Variants in AFF1 observed in about 807,000 individuals in gnomAD.
AFF1 encodes the protein AF4/FMR2 family member 1.
In AFF1, 48 loss-of-function variants were observed where a neutral mutation model predicts 121.7. The ratio of observed to expected loss-of-function variants is 0.39; its 90% CI spans 0.31 to 0.50. The LOEUF (loss-of-function observed/expected upper bound fraction) is 0.50. Ranked by LOEUF, AFF1 falls within the 20% of genes least tolerant of loss-of-function variation. The pLI is 0.76. For synonymous variants in AFF1, 613 were observed against 563.0 expected, an observed-to-expected ratio of 1.09 and a Z score of -1.26; for missense variants, 1,523 against 1,511.7, an observed-to-expected ratio of 1.01 and a Z score of -0.12.
chr4:87,097,289 C>A (rs550696416), intron 8 of AFF1, among the ~76,000 whole-genome samples: 2 of 152,286 alleles, frequency 1.3e-5, no homozygotes, highest in Admixed American at 1.3e-4. Flanking sequence ...CTGTGTCTCT[C>A]GCCTGTGGAT....
intron 2 of AFF1, among the ~76,000 whole-genome samples, chr4:86,976,189 T>A (rs527579593): frequency 1.3e-5 from 2 of 152,278 alleles, no homozygotes; most frequent in African/African-American, 4.8e-5. Context: ...GGGCTTTCCA[T>A]GCAGAAGCAC....
intron 2 of AFF1, chr4:86,950,204 G>GT: frequency 7.8e-7 from 1 of 1,278,836 alleles, no homozygotes; most frequent in Non-Finnish European, 1.1e-6. Flanking sequence ...TTAAGACAAA[G>GT]TTTCGCTATT....
rs1321624231 is a variant in AFF1, at chr4:87,137,983, C to G, written c.*2282C>G. ...GACATTTCCAGGTAGATTTCTCAGCCAGCTCTAAAACAGATTGCTTTTTCA... is the reference window on the plus strand; with the variant it reads ...GACATTTCCAGGTAGATTTCTCAGCGAGCTCTAAAACAGATTGCTTTTTCA... On this transcript the variant is annotated 3_prime_UTR_variant, in exon 21 of 21. Coordinates refer to ENST00000395146, the MANE Select transcript of AFF1 (RefSeq NM_001166693.3). 8.7e-6 allele frequency: 2 copies of G among 230,768 alleles called. No homozygotes were observed. Among genetic ancestry groups the G allele is most frequent in the African/African-American group, 4.5e-5 (2 of 44,940 alleles). 14.3% of individuals were successfully genotyped at this position (230,768 alleles called of 1,614,324 possible).
intron 2 of AFF1, among the ~76,000 whole-genome samples, chr4:87,042,571 C>A (rs1417775752): frequency 6.6e-6 from 1 of 152,146 alleles, no homozygotes; most frequent in Non-Finnish European, 1.5e-5. Flanking sequence ...TCTTTTTTCA[C>A]CTCACTACTT....
intron 2 of AFF1, among the ~76,000 whole-genome samples, chr4:86,985,178 TTACTATATATATATATATATATA>T (rs1724118921): frequency 1.1e-5 from 1 of 93,184 alleles, no homozygotes; most frequent in Non-Finnish European, 2.0e-5. Flanking sequence ...ATAATATGTA[TTACTATATATATATATATATATA>T]TATATATATA....
rs115241962 is a variant in AFF1, at chr4:87,124,919, C to G, written c.2467-118C>G. On this transcript the variant is annotated intron_variant, in intron 12 of 20. Coordinates refer to ENST00000395146, the MANE Select transcript of AFF1 (RefSeq NM_001166693.3). ...GGTAAGTACTAAGAAGGTTGCTGTG[C>G]GTACAGAGATGTCTCCAAAGGTTCC... The G allele has an allele frequency of 1.3e-4, 93 of 701,956 alleles. No homozygotes were observed. The East Asian group carries it at 2.6e-3, about 20-fold the overall frequency. The allele number at this position is 701,956 out of a possible 1,614,324, so 43.5% of individuals were successfully genotyped here. A position where few individuals can be genotyped will look rare whatever the true frequency, so the allele number is the denominator to read the frequency against.
rs146193594 is a variant in AFF1, at chr4:86,994,982, T to C, written c.38+46411T>C. ...AGGCCAGGCATGGTGGCTCACACTT[T>C]GTAATCTCAGCACTTCGGGAGGCCA... On this transcript the variant is annotated intron_variant, in intron 2 of 20. Transcript: ENST00000395146. 2.6e-3 allele frequency among the ~76,000 whole-genome samples: 390 copies of C among 152,268 alleles called. 5 individuals are homozygous for C. The highest frequency in any genetic ancestry group is 8.2e-3 in the African/African-American group (339 of 41,576).
chr4:86,953,216 A>G (rs942342259), intron 2 of AFF1, among the ~76,000 whole-genome samples: 2 of 152,118 alleles, frequency 1.3e-5, no homozygotes, highest in African/African-American at 4.8e-5. Flanking sequence ...AGTACCTACT[A>G]CAAGTGGTAA....
intron 4 of AFF1, among the ~76,000 whole-genome samples, chr4:87,063,228 C>CT (rs569577993): frequency 0.022 from 960 of 44,378 alleles, 271 homozygotes; most frequent in Middle Eastern, 0.083. Flanking sequence ...AGATTCACCT[C>CT]TTTTTTTTTT....
chr4:87,007,197 C>T (rs1726225963), intron 2 of AFF1: 2 of 1,396,280 alleles, frequency 1.4e-6, no homozygotes, highest in Non-Finnish European at 1.8e-6. Flanking sequence ...CCCGGATGTC[C>T]ATCAGGATTA....
At chr4:87,034,923 A>G (rs1729412720) in intron 2 of AFF1, among the ~76,000 whole-genome samples, 1 of 152,252 alleles carries the variant, frequency 6.6e-6, no homozygotes, top group Non-Finnish European at 1.5e-5. Flanking sequence ...ATATGTATTA[A>G]GCATCGCATT....
intron 2 of AFF1, among the ~76,000 whole-genome samples, chr4:86,974,798 G>C (rs1369556210): frequency 6.6e-6 from 1 of 152,206 alleles, no homozygotes; most frequent in Non-Finnish European, 1.5e-5. Context: ...AAGAGCTTTG[G>C]TGACTAAAAC....
At chr4:87,087,711 T>C (rs572587044) in intron 5 of AFF1, among the ~76,000 whole-genome samples, 1 of 152,350 alleles carries the variant, frequency 6.6e-6, no homozygotes, top group East Asian at 1.9e-4. Context: ...CACTTAGGGT[T>C]TGAAAGAATT....
At chr4:86,965,090 A>G (rs1722442445) in intron 2 of AFF1, among the ~76,000 whole-genome samples, 1 of 152,176 alleles carries the variant, frequency 6.6e-6, no homozygotes, top group Non-Finnish European at 1.5e-5. Flanking sequence ...AAACAACCCA[A>G]AGTTCTTACT....
At chr4:86,973,752 TTTC>T (rs1329186402) in intron 2 of AFF1, 2 of 152,260 alleles carry the variant, frequency 1.3e-5, no homozygotes, top group East Asian at 3.9e-4. Context: ...TCTCTTTTCC[TTTC>T]TTTTTTTTCT....
chr4:87,014,014 T>C (rs577077897), intron 2 of AFF1, among the ~76,000 whole-genome samples: 4 of 152,256 alleles, frequency 2.6e-5, no homozygotes, highest in African/African-American at 9.6e-5. Context: ...TACACATTTT[T>C]CCCCTCCTAT....
At position 87,133,043 on chromosome 4, in the gene AFF1, G is replaced by A. The variant is rs910539403; in HGVS notation, c.3311+635G>A. On this transcript the variant is annotated intron_variant, in intron 19 of 20. Coordinates refer to ENST00000395146, the MANE Select transcript of AFF1 (RefSeq NM_001166693.3). ...AGCCTAAGAACACAAAACAAGAGGC[G>A]GAGCCAACAGAACCAGAGCCAGAGT... Among the ~76,000 whole-genome samples, 17 of 152,330 alleles carry A rather than the reference G, an allele frequency of 1.1e-4. No individual in the cohort carries two copies. The East Asian group carries it at 1.7e-3, about 16-fold the overall frequency.
At chr4:87,089,249 C>T (rs774127668) in intron 5 of AFF1, among the ~76,000 whole-genome samples, 4 of 152,146 alleles carry the variant, frequency 2.6e-5, no homozygotes, top group African/African-American at 4.8e-5. Context: ...CAATTTGACA[C>T]ATCTTTTTTC....
intron 2 of AFF1, among the ~76,000 whole-genome samples, chr4:87,036,092 C>G (rs1578116286): frequency 6.6e-6 from 1 of 152,114 alleles, no homozygotes; most frequent in East Asian, 1.9e-4. Flanking sequence ...GCCAAATGAG[C>G]AGTGCCAATG....
Sources: allele counts gnomAD v4.1 joint callset (sites outside exome capture counted in the v4.1 genomes callset), GRCh38; gene constraint gnomAD v4.1.1; transcripts MANE v1.5; gene names NCBI Gene and HGNC (gene_info 2026-07-23, HGNC 2026-07-21).